Variants in FER1L6 observed in about 807,000 individuals in gnomAD.
FER1L6 encodes the protein fer-1-like protein 6.
A neutral mutation model predicts 219.2 loss-of-function variants in FER1L6; 177 were observed. The observed-to-expected ratio is 0.81, with a 90% confidence interval of 0.71 to 0.91. The LOEUF is 0.91. FER1L6 is among the 40% of genes least tolerant of loss of function. FER1L6 has a pLI of 0.00. For missense variants in FER1L6, 2,153 were observed against 2,259.9 expected, an observed-to-expected ratio of 0.95 and a Z score of 0.96; for synonymous variants, 768 against 824.3, an observed-to-expected ratio of 0.93 and a Z score of 1.17.
In FER1L6 at chr8:123,852,646, T is replaced by C. The variant is rs748498673; in HGVS notation, c.-8+461T>C. On this transcript the variant is annotated intron_variant, in intron 1 of 40. Transcript: ENST00000522917. The surrounding 1 kb of genome is among the most constrained non-coding windows in gnomAD (Gnocchi z 4.9). The stretch of plus-strand genomic sequence containing the variant: ...GGCCTCTCACAAGATTGTTAGACTT[T>C]TAAAACATAAATTTTTATTTTACAG... Among the ~76,000 whole-genome samples the C allele has an allele frequency of 2.0e-5, 3 of 152,154 alleles. No individual in the cohort carries two copies. Among genetic ancestry groups the C allele is most frequent in the Non-Finnish European group, 4.4e-5 (3 of 68,022 alleles).
chr8:124,082,145 A>T (rs1821581820), intron 32 of FER1L6, 143 bp from the exon 33 acceptor site: 2 of 546,396 alleles, frequency 3.7e-6, no homozygotes, highest in Admixed American at 3.6e-5. Context: ...ATTAAACCAA[A>T]CAAATATCTG....
chr8:124,069,615 T>C, intron 29 of FER1L6, 140 bp downstream of exon 29: 1 of 609,346 alleles, frequency 1.6e-6, no homozygotes, highest in Non-Finnish European at 2.8e-6. Flanking sequence ...GAAGTAAACT[T>C]TGATGTGCAT....
intron 8 of FER1L6, 125 bp from the exon 9 acceptor site, chr8:123,975,773 A>T: frequency 1.3e-6 from 1 of 761,784 alleles, no homozygotes; most frequent in Non-Finnish European, 2.1e-6. Flanking sequence ...TTCAGCAATG[A>T]ATCTTACTCT....
At position 124,061,901 on chromosome 8, in the gene FER1L6, T is replaced by C; in HGVS notation, c.3197T>C (p.Val1066Ala). 6.2e-7 allele frequency: 1 copy of C among 1,614,122 alleles called. No homozygotes were observed. Among genetic ancestry groups the C allele is most frequent in the Non-Finnish European group, 8.5e-7 (1 of 1,180,006 alleles). Reference sequence around the variant, plus strand: ...CACCCGCCACTGAGCATCTGCGTGGTGGACTGGAGAGCTTTTGGGAGGAGT... The same window carrying C: ...CACCCGCCACTGAGCATCTGCGTGGCGGACTGGAGAGCTTTTGGGAGGAGT... The part of the protein sequence containing the change: ...LLHPPLSICV[V>A]DWRAFGRSTL... Residue 1066 changes from valine (V) to alanine (A), a missense_variant, in exon 25 of 41, where the codon GTG becomes GCG. Physicochemically the swap from Val to Ala is moderately conservative, Grantham distance 64. Coordinates refer to ENST00000522917, the MANE Select transcript of FER1L6 (RefSeq NM_001039112.2).
chr8:123,927,451 T>C (rs1813608133), intron 1 of FER1L6, among the ~76,000 whole-genome samples: 1 of 152,164 alleles, frequency 6.6e-6, no homozygotes. Flanking sequence ...CGTGGGACAT[T>C]TGAGTGGCCA....
intron 1 of FER1L6, among the ~76,000 whole-genome samples, chr8:123,927,867 C>T (rs1586475680): frequency 6.6e-6 from 1 of 152,200 alleles, no homozygotes; most frequent in Non-Finnish European, 1.5e-5. Flanking sequence ...TCCCTTCTTG[C>T]AACTTTATAT....
intron 1 of FER1L6, among the ~76,000 whole-genome samples, chr8:123,861,514 T>A (rs62521466): frequency 0.16 from 18,276 of 112,864 alleles, 1,505 homozygotes; most frequent in African/African-American, 0.27. Context: ...TCCAATTCTG[T>A]GAAGAAAGTC....
In FER1L6 at chr8:124,097,798, G is replaced by C. The variant is rs201570190; in HGVS notation, c.4798G>C (p.Val1600Leu). ...CTCCCATCCCAGATACGAATTGAGAGTGACCATCTGGAACACTGAAGATGT... is the reference window on the plus strand; with the variant it reads ...CTCCCATCCCAGATACGAATTGAGACTGACCATCTGGAACACTGAAGATGT... The part of the protein sequence containing the change: ...PRRPKGYELR[V>L]TIWNTEDVIL... Residue 1600 changes from valine to leucine, a missense_variant, in exon 37 of 41, where the codon GTG (valine) becomes CTG (leucine). Physicochemically the swap from Val to Leu is conservative, Grantham distance 32 (BLOSUM62 1). Transcript: ENST00000522917. The C allele has an allele frequency of 2.5e-6, 4 of 1,590,254 alleles. No homozygotes were observed. The highest frequency in any genetic ancestry group is 8.6e-7 in the Non-Finnish European group (1 of 1,158,230).
chr8:123,883,177 T>C (rs1440061199), intron 1 of FER1L6, among the ~76,000 whole-genome samples: 4 of 152,310 alleles, frequency 2.6e-5, no homozygotes, highest in African/African-American at 9.6e-5. Flanking sequence ...GGGAAGAGCC[T>C]TCTGGTCAGA....
intron 15 of FER1L6, among the ~76,000 whole-genome samples, chr8:124,016,289 G>A (rs904061334): frequency 1.3e-5 from 2 of 152,132 alleles, no homozygotes; most frequent in South Asian, 2.1e-4. Context: ...TAAAGAAAAT[G>A]TAACATTACT....
At chr8:123,918,847 G>A (rs1813270950) in intron 1 of FER1L6, among the ~76,000 whole-genome samples, 1 of 152,150 alleles carries the variant, frequency 6.6e-6, no homozygotes, top group African/African-American at 2.4e-5. Flanking sequence ...GTTTGGGGCT[G>A]GATTCCTTTC....
chr8:123,913,241 A>G (rs1366875917), intron 1 of FER1L6, among the ~76,000 whole-genome samples: 1 of 141,120 alleles, frequency 7.1e-6, no homozygotes, highest in Non-Finnish European at 1.5e-5. Flanking sequence ...TTTGTATTTA[A>G]TAAATACAAA....
intron 22 of FER1L6, chr8:124,058,668 G>C (rs1219763154): frequency 1.3e-5 from 2 of 152,148 alleles, no homozygotes; most frequent in Non-Finnish European, 2.9e-5. Flanking sequence ...TTTTTAAAAA[G>C]CACATCTAGA....
intron 12 of FER1L6, 45 bp downstream of exon 12, chr8:123,986,221 G>T (rs762508286): frequency 2.3e-5 from 27 of 1,176,134 alleles, no homozygotes; most frequent in Non-Finnish European, 3.4e-5. Flanking sequence ...CATGGATTTA[G>T]TATCTATTTC....
chr8:124,021,311 G>A (rs1028719513), intron 16 of FER1L6, among the ~76,000 whole-genome samples: 2 of 152,270 alleles, frequency 1.3e-5, no homozygotes, highest in African/African-American at 4.8e-5. Context: ...TGATAAACCT[G>A]TAGCCTTTCT....
At chr8:124,037,264 C>T (rs749029360) in intron 19 of FER1L6, among the ~76,000 whole-genome samples, 11 of 152,312 alleles carry the variant, frequency 7.2e-5, no homozygotes, top group Non-Finnish European at 1.0e-4. Context: ...ACATTTTCAC[C>T]GGATGAACCA....
At chr8:123,981,121 C>A (rs1030547853) in intron 11 of FER1L6, among the ~76,000 whole-genome samples, 1 of 152,134 alleles carries the variant, frequency 6.6e-6, no homozygotes, top group Non-Finnish European at 1.5e-5. Context: ...ATTGATTAAA[C>A]TCTATCTGTG....
chr8:124,100,672 G>A (rs985138827), intron 37 of FER1L6, among the ~76,000 whole-genome samples: 5 of 152,164 alleles, frequency 3.3e-5, no homozygotes, highest in Non-Finnish European at 7.4e-5. Flanking sequence ...ATGCCTGACA[G>A]CACAGGTCTA....
At chr8:123,872,590 G>A (rs889164801) in intron 1 of FER1L6, among the ~76,000 whole-genome samples, 7 of 152,078 alleles carry the variant, frequency 4.6e-5, no homozygotes, top group East Asian at 1.9e-4. Flanking sequence ...CATTAATTGT[G>A]ACAAATGTAA....
Sources: gnomAD v4.1 joint callset for allele counts (sites outside exome capture counted in the v4.1 genomes callset) on GRCh38, gnomAD v4.1.1 for gene constraint, Gnocchi (gnomAD v3.1) non-coding constraint, MANE v1.5 for transcripts, NCBI Gene and HGNC (gene_info 2026-07-23, HGNC 2026-07-21) for gene names.